Variants in INPP4B observed in about 807,000 individuals in gnomAD.
INPP4B encodes inositol polyphosphate-4-phosphatase type II B.
A neutral mutation model predicts 122.5 loss-of-function variants in INPP4B; 55 were observed. The ratio of observed to expected loss-of-function variants is 0.45; its 90% CI spans 0.36 to 0.56. The LOEUF (loss-of-function observed/expected upper bound fraction) is 0.56. INPP4B is among the 20% of genes least tolerant of loss of function. The probability of loss-of-function intolerance (pLI) is 0.00; values close to 1 mark genes in which losing one functional copy is unlikely to be tolerated. For missense variants in INPP4B, 1,000 were observed against 1,097.7 expected (o/e 0.91, Z 1.26); for synonymous variants, 403 against 388.7 (o/e 1.04, Z -0.43).
intron 12 of INPP4B, among the ~76,000 whole-genome samples, chr4:142,224,874 T>A (rs1216608658): frequency 6.6e-6 from 1 of 152,182 alleles, no homozygotes; most frequent in Non-Finnish European, 1.5e-5. Context: ...GCGCGTGTAT[T>A]CTCTCAAAGA....
chr4:142,561,258 T>C (rs900512693), intron 2 of INPP4B, among the ~76,000 whole-genome samples: 12 of 152,168 alleles, frequency 7.9e-5, no homozygotes, highest in Non-Finnish European at 2.9e-5. Context: ...AAGAATAAAA[T>C]ATAATACTGT....
chr4:142,521,928 G>C (rs978960131), intron 2 of INPP4B, among the ~76,000 whole-genome samples: 3 of 152,078 alleles, frequency 2.0e-5, no homozygotes, highest in Middle Eastern at 3.4e-3. Context: ...AATTTGTTTG[G>C]TATTGAGAAA....
intron 18 of INPP4B, among the ~76,000 whole-genome samples, chr4:142,133,206 C>T (rs1802204503): frequency 6.6e-6 from 1 of 152,152 alleles, no homozygotes. Flanking sequence ...TCTCTGTACA[C>T]TCAATCCCTG....
chr4:142,305,650 C>T (rs1056989895), intron 8 of INPP4B, 113 bp from the exon 9 acceptor site: 1 of 1,486,238 alleles, frequency 6.7e-7, no homozygotes, highest in Non-Finnish European at 9.1e-7. Flanking sequence ...AATCTATTAG[C>T]CTGACAAATA....
At chr4:142,370,254 C>A (rs1428376875) in intron 7 of INPP4B, among the ~76,000 whole-genome samples, 1 of 152,108 alleles carries the variant, frequency 6.6e-6, no homozygotes, top group African/African-American at 2.4e-5. Flanking sequence ...GAGACAGTGT[C>A]CAGCAGTATG....
intron 3 of INPP4B, among the ~76,000 whole-genome samples, chr4:142,452,306 A>G (rs754848582): frequency 6.6e-6 from 1 of 152,190 alleles, no homozygotes; most frequent in Non-Finnish European, 1.5e-5. Context: ...AGAGTTTCCA[A>G]CAGTGACCCG....
At chr4:142,350,939 G>T (rs1481732975) in intron 7 of INPP4B, among the ~76,000 whole-genome samples, 2 of 151,914 alleles carry the variant, frequency 1.3e-5, no homozygotes, top group African/African-American at 4.8e-5. Context: ...AGGGAGCCCA[G>T]ATGGAAACTG....
At chr4:142,622,195 C>T (rs552830520) in intron 2 of INPP4B, among the ~76,000 whole-genome samples, 13 of 151,954 alleles carry the variant, frequency 8.6e-5, no homozygotes, top group Admixed American at 7.9e-4. Context: ...TCAATGTGGG[C>T]CCGGGCTACA....
chr4:142,639,387 G>A (rs1348853614), intron 2 of INPP4B, among the ~76,000 whole-genome samples: 2 of 152,004 alleles, frequency 1.3e-5, no homozygotes, highest in Admixed American at 1.3e-4. Flanking sequence ...AAAACTTTCT[G>A]TTTTAATGGG....
In INPP4B at chr4:142,725,839, C is replaced by G. The variant is rs1580782909; in HGVS notation, c.-191G>C. The G allele has an allele frequency of 7.5e-6, 3 of 397,884 alleles. No individual in the cohort carries two copies. The highest frequency in any genetic ancestry group is 1.3e-5 in the Non-Finnish European group (3 of 225,658). The allele number at this position is 397,884 out of a possible 1,614,324, so 24.6% of individuals were successfully genotyped here. A position where few individuals can be genotyped will look rare whatever the true frequency, so the allele number is the denominator to read the frequency against. On this transcript the variant is annotated splice_region_variant and 5_prime_UTR_variant, in exon 2 of 26. Transcript: ENST00000262992. ...AATATCAATTCAAAATAAGCATTAC[C>G]TTTGTCTAATTTTTCATAAAAGACA...
chr4:142,494,937 T>C (rs535423588), intron 2 of INPP4B, among the ~76,000 whole-genome samples: 1 of 152,274 alleles, frequency 6.6e-6, no homozygotes, highest in African/African-American at 2.4e-5. Flanking sequence ...TTTAACAGCA[T>C]AAATTCGTGC....
At chr4:142,387,234 C>G (rs918937649) in intron 7 of INPP4B, among the ~76,000 whole-genome samples, 1 of 151,968 alleles carries the variant, frequency 6.6e-6, no homozygotes. Context: ...TTGTGCTCTA[C>G]CCCTTTGTTT....
At chr4:142,547,280 A>C (rs1198697315) in intron 2 of INPP4B, among the ~76,000 whole-genome samples, 5 of 152,100 alleles carry the variant, frequency 3.3e-5, no homozygotes, top group Non-Finnish European at 7.4e-5. Context: ...GTCTCTAAGT[A>C]TGCTACTGAG....
At chr4:142,125,824 G>GA (rs984301494) in intron 18 of INPP4B, among the ~76,000 whole-genome samples, 2 of 152,028 alleles carry the variant, frequency 1.3e-5, no homozygotes, top group Non-Finnish European at 2.9e-5. Flanking sequence ...TTTAATCACC[G>GA]AATCACTAGA....
At chr4:142,359,650 T>G (rs1427460266) in intron 7 of INPP4B, among the ~76,000 whole-genome samples, 1 of 151,948 alleles carries the variant, frequency 6.6e-6, no homozygotes, top group Non-Finnish European at 1.5e-5. Flanking sequence ...TTTTCTAAAA[T>G]ATATTAAGTA....
At chr4:142,690,263 G>C (rs560143759) in intron 2 of INPP4B, among the ~76,000 whole-genome samples, 3 of 152,160 alleles carry the variant, frequency 2.0e-5, no homozygotes, top group African/African-American at 7.2e-5. Flanking sequence ...TGTGCAGGTA[G>C]ATAAAGGAAC....
chr4:142,630,585 TA>T (rs1560891336), intron 2 of INPP4B, among the ~76,000 whole-genome samples: 1 of 149,488 alleles, frequency 6.7e-6, no homozygotes, highest in Non-Finnish European at 1.5e-5. Flanking sequence ...TAAAATGTTA[TA>T]AAAAATACTG....
chr4:142,454,133 ATCT>A (rs1381807102), intron 3 of INPP4B, among the ~76,000 whole-genome samples: 1 of 152,090 alleles, frequency 6.6e-6, no homozygotes, highest in Non-Finnish European at 1.5e-5. Flanking sequence ...TTCCTTTCCC[ATCT>A]TCTTAATCTC....
intron 2 of INPP4B, among the ~76,000 whole-genome samples, chr4:142,682,117 A>G (rs747933292): frequency 7.9e-5 from 12 of 151,974 alleles, no homozygotes; most frequent in Non-Finnish European, 1.5e-4. Flanking sequence ...CTGACATTTG[A>G]AAACAAATGT....
Sources: allele counts gnomAD v4.1 joint callset (sites outside exome capture counted in the v4.1 genomes callset), GRCh38; gene constraint gnomAD v4.1.1; transcripts MANE v1.5; gene names NCBI Gene and HGNC (gene_info 2026-07-23, HGNC 2026-07-21).